Variants in RBFOX1 observed in about 807,000 individuals in gnomAD.
RBFOX1 encodes the protein RNA binding fox-1 homolog 1.
In RBFOX1, 8 loss-of-function variants were observed where a neutral mutation model predicts 57.7. That is an observed-to-expected ratio of 0.14 (90% CI 0.08 to 0.25). RBFOX1 has a LOEUF of 0.25. RBFOX1 is among the 10% of genes least tolerant of loss of function. RBFOX1 has a pLI of 1.00. For missense variants in RBFOX1, 611 were observed against 548.5 expected (o/e 1.11, Z -1.14); for synonymous variants, 326 against 222.4 (o/e 1.47, Z -4.15).
chr16:7,331,917 A>G (rs968413849), intron 4 of RBFOX1, among the ~76,000 whole-genome samples: 1 of 152,296 alleles, frequency 6.6e-6, no homozygotes, highest in Non-Finnish European at 1.5e-5. Context: ...CACCAGAAAG[A>G]TTTCAAATCT....
At chr16:5,644,040 C>T (rs2048968256) in intron 3 of RBFOX1, among the ~76,000 whole-genome samples, 1 of 152,188 alleles carries the variant, frequency 6.6e-6, no homozygotes, top group East Asian at 1.9e-4. Flanking sequence ...GCGTCGTACA[C>T]AGAGGACTCT....
intron 1 of RBFOX1, among the ~76,000 whole-genome samples, chr16:6,043,485 A>G (rs1009540384): frequency 1.3e-5 from 2 of 152,226 alleles, no homozygotes; most frequent in African/African-American, 4.8e-5. Context: ...TCTTATTCCC[A>G]AAGAGTCTGT....
At chr16:6,878,360 A>C (rs553086643) in intron 3 of RBFOX1, among the ~76,000 whole-genome samples, 1 of 152,214 alleles carries the variant, frequency 6.6e-6, no homozygotes, top group South Asian at 2.1e-4. Context: ...AGTTTCTAGA[A>C]ATTTCTTATC....
intron 2 of RBFOX1, among the ~76,000 whole-genome samples, chr16:6,622,513 A>G (rs2098247865): frequency 1.3e-5 from 2 of 152,288 alleles, no homozygotes; most frequent in East Asian, 1.9e-4. Context: ...CTAGGTTTGT[A>G]TAACTGCACC....
intron 4 of RBFOX1, among the ~76,000 whole-genome samples, chr16:7,145,246 C>T (rs1024554344): frequency 2.0e-5 from 3 of 151,978 alleles, no homozygotes; most frequent in Non-Finnish European, 2.9e-5. Flanking sequence ...GCTCTGTTGC[C>T]CAGGCTGGAG....
At chr16:6,712,076 T>TA (rs2063808094) in intron 3 of RBFOX1, among the ~76,000 whole-genome samples, 1 of 152,326 alleles carries the variant, frequency 6.6e-6, no homozygotes, top group South Asian at 2.1e-4. Flanking sequence ...TGTGTGGTGT[T>TA]ACATTCCTCT....
At chr16:6,514,637 C>G (rs2096334171) in intron 2 of RBFOX1, among the ~76,000 whole-genome samples, 1 of 152,250 alleles carries the variant, frequency 6.6e-6, no homozygotes, top group South Asian at 2.1e-4. Context: ...TGCCCTTTGT[C>G]TGTGTCTCAT....
Position 6,444,288 on chromosome 16 carries a change from A to G in RBFOX1, c.-64+127231A>G, listed in dbSNP as rs151031005. 2.1e-3 allele frequency among the ~76,000 whole-genome samples: 318 copies of G among 152,150 alleles called. 1 individual carries two copies. The highest frequency in any genetic ancestry group is 7.3e-3 in the African/African-American group (302 of 41,510). On this transcript the variant is annotated intron_variant, in intron 2 of 15. Coordinates refer to ENST00000550418, the MANE Select transcript of RBFOX1 (RefSeq NM_018723.4). The stretch of plus-strand genomic sequence containing the variant: ...CGGCACAATGCCTGGCACATGGTGG[A>G]CGCCCAAGGGCTCCAAAAGCCAATG...
chr16:6,281,626 A>G (rs1056222304), intron 1 of RBFOX1, among the ~76,000 whole-genome samples: 4 of 152,142 alleles, frequency 2.6e-5, no homozygotes, highest in Admixed American at 2.6e-4. Context: ...CGAGTAAAAA[A>G]TAGTGGCGGT....
At chr16:7,664,105 T>C (rs1442478272) in intron 12 of RBFOX1, among the ~76,000 whole-genome samples, 2 of 152,230 alleles carry the variant, frequency 1.3e-5, no homozygotes, top group African/African-American at 4.8e-5. Flanking sequence ...CATGCAGATA[T>C]TCACATGTAT....
intron 2 of RBFOX1, among the ~76,000 whole-genome samples, chr16:6,608,271 GA>G (rs1289281873): frequency 3.3e-5 from 5 of 152,122 alleles, no homozygotes; most frequent in Non-Finnish European, 7.4e-5. Context: ...TGAATTAAGT[GA>G]AATATTTCAA....
chr16:7,499,675 G>A (rs1329569973), intron 4 of RBFOX1, among the ~76,000 whole-genome samples: 3 of 152,146 alleles, frequency 2.0e-5, no homozygotes, highest in Admixed American at 2.0e-4. Context: ...CAGCCAGTGG[G>A]TAGTTAGACT....
chr16:6,993,892 T>C (rs940280180), intron 3 of RBFOX1, among the ~76,000 whole-genome samples: 4 of 152,144 alleles, frequency 2.6e-5, no homozygotes, highest in African/African-American at 7.2e-5. Flanking sequence ...GGGACAACAT[T>C]AATGTATCTC....
chr16:6,298,492 T>A (rs776809530), intron 1 of RBFOX1, among the ~76,000 whole-genome samples: 1 of 152,214 alleles, frequency 6.6e-6, no homozygotes, highest in South Asian at 2.1e-4. Flanking sequence ...GTTTTCACAA[T>A]AATCAGAGAG....
chr16:7,527,645 C>T (rs920633537), intron 5 of RBFOX1, among the ~76,000 whole-genome samples: 7 of 152,160 alleles, frequency 4.6e-5, no homozygotes, highest in Non-Finnish European at 2.9e-5. Flanking sequence ...ACCATAGGCA[C>T]GTTACATAAC....
intron 4 of RBFOX1, among the ~76,000 whole-genome samples, chr16:6,009,313 C>T (rs1009243398): frequency 6.6e-6 from 1 of 152,196 alleles, no homozygotes; most frequent in Admixed American, 6.5e-5. Context: ...GCACTTTGCT[C>T]TCACACCTGT....
intron 10 of RBFOX1, among the ~76,000 whole-genome samples, chr16:7,609,283 G>A (rs552561754): frequency 6.6e-6 from 1 of 152,240 alleles, no homozygotes; most frequent in East Asian, 1.9e-4. Context: ...AGGGCAAAAT[G>A]CATTTTTACA....
At chr16:6,882,173 C>T (rs1040781451) in intron 3 of RBFOX1, among the ~76,000 whole-genome samples, 4 of 152,080 alleles carry the variant, frequency 2.6e-5, no homozygotes, top group African/African-American at 9.7e-5. Flanking sequence ...CTGTCTCTAG[C>T]TTCTCTCTTC....
At chr16:5,753,707 C>T (rs1023054742) in intron 3 of RBFOX1, among the ~76,000 whole-genome samples, 5 of 152,198 alleles carry the variant, frequency 3.3e-5, no homozygotes, top group East Asian at 1.9e-4. Flanking sequence ...CAGTGTTTTT[C>T]TGTCCCCAGA....
Sources: allele counts gnomAD v4.1 joint callset (sites outside exome capture counted in the v4.1 genomes callset), GRCh38; gene constraint gnomAD v4.1.1; transcripts MANE v1.5; gene names NCBI Gene and HGNC (gene_info 2026-07-23, HGNC 2026-07-21).